Variants in ANKRD11 observed in about 807,000 individuals in gnomAD.
ANKRD11 encodes the protein ankyrin repeat domain 11.
In ANKRD11, 17 loss-of-function variants were observed where a neutral mutation model predicts 195.7. The observed-to-expected ratio is 0.09, with a 90% CI of 0.06 to 0.13. ANKRD11 has a LOEUF of 0.13. Among genes scored for constraint, ANKRD11 ranks in the 10% least tolerant of loss-of-function variants. ANKRD11 has a pLI of 1.00. For synonymous variants in ANKRD11, 1,953 were observed against 1,528.1 expected (o/e 1.28, Z -6.49); for missense variants, 3,735 against 3,566.1 (o/e 1.05, Z -1.21).
intron 9 of ANKRD11, among the ~76,000 whole-genome samples, chr16:89,275,477 G>C (rs1243573912): frequency 6.6e-6 from 1 of 152,228 alleles, no homozygotes. Flanking sequence ...CGTGTGCCAA[G>C]GAGGGCCTGA....
At chr16:89,268,756 G>C in intron 12 of ANKRD11, 93 bp from the exon 13 acceptor site, 2 of 1,448,400 alleles carry the variant, frequency 1.4e-6, no homozygotes, top group Non-Finnish European at 9.4e-7. Context: ...CCAAGGGCGT[G>C]ATACGGCCGT....
intron 11 of ANKRD11, chr16:89,271,643 G>C (rs1343511292): frequency 6.5e-6 from 1 of 154,630 alleles, no homozygotes; most frequent in Non-Finnish European, 1.4e-5. Flanking sequence ...AACGATCACA[G>C]GGAAAGGACA....
rs554996915 is a variant in ANKRD11 at position 89,305,663 on chromosome 16, G to A, written c.88-319C>T. Among the ~76,000 whole-genome samples the A allele has an allele frequency of 1.1e-3, 100 of 91,882 alleles. 5 individuals are homozygous for A. Among genetic ancestry groups the A allele is most frequent in the Admixed American group, 1.5e-3 (13 of 8,588 alleles). 60.3% of individuals were successfully genotyped at this position (91,882 alleles called of 152,430 possible). On this transcript the variant is annotated intron_variant, in intron 3 of 12. Coordinates refer to ENST00000301030, the MANE Select transcript of ANKRD11 (RefSeq NM_013275.6). ...GCTACCTCTCACTCCGCAGACACGC[G>A]CTACCTCCCACTCCGCAGACACGCG...
chr16:89,287,959 G>A (rs1389846324), intron 7 of ANKRD11: 9 of 456,366 alleles, frequency 2.0e-5, no homozygotes, highest in African/African-American at 7.8e-5. Flanking sequence ...AGTGAGACCC[G>A]CCGCATCTCC....
chr16:89,461,499 G>A (rs983780386), intron 1 of ANKRD11, among the ~76,000 whole-genome samples: 1 of 152,026 alleles, frequency 6.6e-6, no homozygotes, highest in African/African-American at 2.4e-5. Context: ...CTGCCACCAC[G>A]CCTGGCTAAC....
At chr16:89,272,646 G>A (rs2151687121) in intron 11 of ANKRD11, 1 of 152,246 alleles carries the variant, frequency 6.6e-6, no homozygotes, top group East Asian at 1.9e-4. Context: ...CTCCAGCCTG[G>A]GTGACAGAGG....
At chr16:89,442,994 TTTC>T (rs1172211404) in intron 1 of ANKRD11, among the ~76,000 whole-genome samples, 3 of 152,318 alleles carry the variant, frequency 2.0e-5, no homozygotes, top group Middle Eastern at 3.4e-3. Context: ...ATTTCATTTT[TTTC>T]TTCTTATTTT....
chr16:89,384,511 G>T (rs1192300824), intron 2 of ANKRD11, among the ~76,000 whole-genome samples: 1 of 148,698 alleles, frequency 6.7e-6, no homozygotes, highest in East Asian at 2.0e-4. Context: ...GACAGGATGG[G>T]ACGACATGGA....
At chr16:89,485,510 G>A (rs1370699981) in intron 1 of ANKRD11, among the ~76,000 whole-genome samples, 1 of 151,976 alleles carries the variant, frequency 6.6e-6, no homozygotes. Context: ...AAAACTGTGA[G>A]GTTTCTTAGA....
At chr16:89,471,392 T>C (rs1208012238) in intron 1 of ANKRD11, among the ~76,000 whole-genome samples, 1 of 151,978 alleles carries the variant, frequency 6.6e-6, no homozygotes, top group African/African-American at 2.4e-5. Flanking sequence ...ACTCATCAAG[T>C]TACCCTGCAG....
At chr16:89,386,164 T>A (rs768754119) in intron 2 of ANKRD11, among the ~76,000 whole-genome samples, 1 of 152,218 alleles carries the variant, frequency 6.6e-6, no homozygotes, top group African/African-American at 2.4e-5. Context: ...CGGCTTCCAA[T>A]GAACAATTCA....
chr16:89,316,470 C>T (rs546156036), intron 3 of ANKRD11, among the ~76,000 whole-genome samples: 1 of 152,376 alleles, frequency 6.6e-6, no homozygotes, highest in African/African-American at 2.4e-5. Flanking sequence ...GAAGTCTGCA[C>T]ACCAGGAATC....
chr16:89,288,370 C>A, intron 7 of ANKRD11, 158 bp downstream of exon 7: 1 of 1,185,546 alleles, frequency 8.4e-7, no homozygotes, highest in Admixed American at 2.0e-5. Flanking sequence ...AAGCTGGGGG[C>A]AGACAGAGGG....
chr16:89,358,407 G>A (rs751720219), intron 2 of ANKRD11, among the ~76,000 whole-genome samples: 2 of 152,214 alleles, frequency 1.3e-5, no homozygotes, highest in Non-Finnish European at 2.9e-5. Context: ...AAAGAGCCAC[G>A]TGGATAACTG....
chr16:89,381,628 A>G (rs547718848), intron 2 of ANKRD11, among the ~76,000 whole-genome samples: 1 of 152,364 alleles, frequency 6.6e-6, no homozygotes, highest in African/African-American at 2.4e-5. Context: ...AGCTGTCAAC[A>G]TCCCCCAACA....
Position 89,305,663 on chromosome 16 carries a change from G to C in ANKRD11, c.88-319C>G, listed in dbSNP as rs554996915. Among the ~76,000 whole-genome samples, 1,610 of 91,798 alleles carry C rather than the reference G, an allele frequency of 0.018. 58 individuals carry two copies. The highest frequency in any genetic ancestry group is 0.041 in the African/African-American group (985 of 24,190). 60.2% of individuals were successfully genotyped at this position (91,798 alleles called of 152,430 possible). ...GCTACCTCTCACTCCGCAGACACGC[G>C]CTACCTCCCACTCCGCAGACACGCG... On this transcript the variant is annotated intron_variant, in intron 3 of 12. Transcript: ENST00000301030.
At chr16:89,484,919 C>A (rs922473673) in intron 1 of ANKRD11, among the ~76,000 whole-genome samples, 19 of 152,092 alleles carry the variant, frequency 1.2e-4, no homozygotes, top group Non-Finnish European at 2.5e-4. Flanking sequence ...TGCACAGATG[C>A]GAAGGACAGG....
chr16:89,370,169 C>T (rs1030483975), intron 2 of ANKRD11, among the ~76,000 whole-genome samples: 27 of 152,372 alleles, frequency 1.8e-4, no homozygotes, highest in East Asian at 5.8e-4. Flanking sequence ...TTCTTCCCCA[C>T]GCCCCTCCCT....
At position 89,279,275 on chromosome 16, in the gene ANKRD11, T is replaced by C. The variant is rs1191286670; in HGVS notation, c.7267A>G (p.Lys2423Glu). 6.2e-7 allele frequency: 1 copy of C among 1,611,678 alleles called. No individual in the cohort carries two copies. Among genetic ancestry groups the C allele is most frequent in the African/African-American group, 1.3e-5 (1 of 74,846 alleles). Residue 2423 changes from lysine to glutamate, a missense_variant, in exon 9 of 13, where the codon AAG (lysine) becomes GAG (glutamate). Transcript: ENST00000301030. The surrounding 1 kb of genome is among the most constrained non-coding windows in gnomAD (Gnocchi z 5.6). ...TGGTAGGGCTCGATGGCATCCAGCT[T>C]GATGGCGTCCACGATGGCGGCCAGC... The part of the protein sequence containing the change: ...QTLAAIVDAI[K>E]LDAIEPYHSD...
Sources: allele counts gnomAD v4.1 joint callset (sites outside exome capture counted in the v4.1 genomes callset), GRCh38; gene constraint gnomAD v4.1.1; non-coding constraint Gnocchi (gnomAD v3.1); transcripts MANE v1.5; gene names NCBI Gene and HGNC (gene_info 2026-07-23, HGNC 2026-07-21).